Variants in YY1AP1 observed in about 807,000 individuals in gnomAD.
YY1AP1 encodes YY1 associated protein 1.
A neutral mutation model predicts 39.9 loss-of-function variants in YY1AP1; 43 were observed. That is an observed-to-expected ratio of 1.08 (90% CI 0.84 to 1.39). YY1AP1 has a LOEUF of 1.39. Among genes scored for constraint, YY1AP1 ranks in the 40% most tolerant of loss-of-function variants. YY1AP1 has a pLI of 0.00. For missense variants in YY1AP1, 813 were observed against 900.7 expected, an observed-to-expected ratio of 0.90 and a Z score of 1.25; for synonymous variants, 292 against 331.3, an observed-to-expected ratio of 0.88 and a Z score of 1.29.
Position 155,659,595 on chromosome 1 carries a change from A to G in YY1AP1, c.*62T>C, listed in dbSNP as rs116024191. The G allele has an allele frequency of 4.1e-3, 6,507 of 1,579,072 alleles. 213 individuals carry two copies. In the African/African-American group the frequency reaches 0.077, roughly 19 times the overall value. On this transcript the variant is annotated 3_prime_UTR_variant, in exon 11 of 11. Transcript: ENST00000355499. Reference sequence around the variant, plus strand: ...AGGGGTTTCCTATTGGTTACACCCTATGCGCCACCAATCGGAGGCCGAAGT... The same window carrying G: ...AGGGGTTTCCTATTGGTTACACCCTGTGCGCCACCAATCGGAGGCCGAAGT...
intron 4 of YY1AP1, 28 bp from the exon 5 acceptor site, chr1:155,676,774 G>C (rs775269964): frequency 6.2e-7 from 1 of 1,610,450 alleles, no homozygotes; most frequent in East Asian, 2.2e-5. Flanking sequence ...GACTGAATTT[G>C]AGTGTTTTCC....
intron 4 of YY1AP1, among the ~76,000 whole-genome samples, chr1:155,677,507 C>A (rs1220097741): frequency 6.6e-5 from 10 of 152,162 alleles, no homozygotes; most frequent in Non-Finnish European, 1.5e-4. Flanking sequence ...TAAGCATATG[C>A]TGATACCCTA....
intron 7 of YY1AP1, 174 bp from the exon 8 acceptor site, chr1:155,670,638 T>G: frequency 1.6e-6 from 1 of 625,924 alleles, no homozygotes; most frequent in Non-Finnish European, 2.7e-6. Flanking sequence ...TAACATTAGG[T>G]CTAAAGGGAG....
intron 6 of YY1AP1, among the ~76,000 whole-genome samples, chr1:155,674,488 A>ATT (rs1650341501): frequency 1.3e-5 from 2 of 151,954 alleles, no homozygotes; most frequent in Admixed American, 1.3e-4. Flanking sequence ...AAAACCTAAG[A>ATT]AGTCAGGGTG....
intron 9 of YY1AP1, among the ~76,000 whole-genome samples, chr1:155,664,378 G>A (rs1238168578): frequency 1.3e-5 from 2 of 152,092 alleles, no homozygotes; most frequent in East Asian, 1.9e-4. Flanking sequence ...ATGTTTTTAT[G>A]TTACATAGAA....
rs1021296153 is a variant in YY1AP1 at position 155,688,669 on chromosome 1, G to A, written c.-162C>T. On this transcript the variant is annotated 5_prime_UTR_variant, in exon 1 of 11. Coordinates refer to ENST00000355499, the MANE Select transcript of YY1AP1 (RefSeq NM_139119.3). The stretch of plus-strand genomic sequence containing the variant: ...GGCCCTCACGCGTACCTTCAGCGGC[G>A]CGAGCCCAAGCCTTCTCCACCTCCT... 1.3e-6 allele frequency: 2 copies of A among 1,532,544 alleles called. No individual in the cohort carries two copies. Among genetic ancestry groups the A allele is most frequent in the African/African-American group, 1.4e-5 (1 of 72,856 alleles). 94.9% of individuals were successfully genotyped at this position (1,532,544 alleles called of 1,614,324 possible).
At chr1:155,667,945 C>CAA (rs1240098381) in intron 9 of YY1AP1, among the ~76,000 whole-genome samples, 4 of 149,442 alleles carry the variant, frequency 2.7e-5, no homozygotes, top group African/African-American at 7.7e-5. Context: ...CAGACACAGA[C>CAA]ACACACAAAC....
chr1:155,688,583 G>T, intron 1 of YY1AP1, 76 bp downstream of exon 1: 2 of 1,536,642 alleles, frequency 1.3e-6, no homozygotes, highest in Non-Finnish European at 1.7e-6. Context: ...GCTCACCCAC[G>T]GGAACCTCCT....
At chr1:155,680,156 T>C in intron 3 of YY1AP1, 1 of 347,790 alleles carries the variant, frequency 2.9e-6, no homozygotes, top group South Asian at 2.8e-5. Context: ...CTCCAGAGCC[T>C]GGGTGACAGA....
Position 155,659,847 on chromosome 1 carries a change from C to T in YY1AP1, c.2063G>A (p.Cys688Tyr). 1.2e-6 allele frequency: 2 copies of T among 1,614,204 alleles called. No individual in the cohort carries two copies. Among genetic ancestry groups the T allele is most frequent in the Non-Finnish European group, 1.7e-6 (2 of 1,180,036 alleles). The change falls in exon 11 of 11, where the codon TGC (cysteine) becomes TAC (tyrosine). Residue 688 changes from cysteine to tyrosine, a missense_variant. This residue lies in a region of YY1AP1 where 586 missense variants were observed against 647.4 expected (regional missense o/e 0.91). Coordinates refer to ENST00000355499, the MANE Select transcript of YY1AP1 (RefSeq NM_139119.3). ...ACTGTTCTCTGACAATCCTTCTTGG[C>T]ACTGTTTATCGACTGGTGGAGGCCC... is the stretch of plus-strand genomic sequence containing the variant. ...SPGPPPVDKQ[C>Y]QEGLSENSAY...
intron 1 of YY1AP1, 75 bp downstream of exon 1, chr1:155,688,584 G>T: frequency 6.5e-7 from 1 of 1,536,654 alleles, no homozygotes; most frequent in Non-Finnish European, 8.7e-7. Flanking sequence ...CTCACCCACG[G>T]GAACCTCCTC....
Position 155,688,672 on chromosome 1 carries a change from A to T in YY1AP1, c.-165T>A, listed in dbSNP as rs1647050877. ...CCTCACGCGTACCTTCAGCGGCGCG[A>T]GCCCAAGCCTTCTCCACCTCCTCTT... On this transcript the variant is annotated 5_prime_UTR_variant, in exon 1 of 11. Coordinates refer to ENST00000355499, the MANE Select transcript of YY1AP1 (RefSeq NM_139119.3). 1 of 1,532,010 alleles carries T rather than the reference A, an allele frequency of 6.5e-7. No homozygotes were observed. The highest frequency in any genetic ancestry group is 1.4e-5 in the African/African-American group (1 of 72,796). The allele number at this position is 1,532,010 out of a possible 1,614,324, so 94.9% of individuals were successfully genotyped here. A position where few individuals can be genotyped will look rare whatever the true frequency, so the allele number is the denominator to read the frequency against.
rs1259587390 is a variant in YY1AP1, at chr1:155,688,150, G to T, written c.-100C>A. On this transcript the variant is annotated 5_prime_UTR_variant, in exon 2 of 11. Transcript: ENST00000355499. Reference sequence around the variant, plus strand: ...CCGCCAGGCTCCTCCGCTTCCCTGGGTCCACCGCGGATCCCTCCCGCTTGT... The same window carrying T: ...CCGCCAGGCTCCTCCGCTTCCCTGGTTCCACCGCGGATCCCTCCCGCTTGT... The T allele has an allele frequency of 6.2e-7, 1 of 1,613,808 alleles. No homozygotes were observed. Among genetic ancestry groups the T allele is most frequent in the Non-Finnish European group, 8.5e-7 (1 of 1,179,914 alleles).
Position 155,660,390 on chromosome 1 carries a change from G to T in YY1AP1, c.1520C>A (p.Pro507His). 1 of 1,614,168 alleles carries T rather than the reference G, an allele frequency of 6.2e-7. No individual in the cohort carries two copies. The highest frequency in any genetic ancestry group is 2.2e-5 in the East Asian group (1 of 44,888). The change falls in exon 11 of 11, where the codon CCT becomes CAT. Residue 507 changes from proline to histidine, a missense_variant. Pro to His is a moderately conservative substitution (Grantham distance 77). Around this residue, in one of 3 missense-constraint regions of YY1AP1, gnomAD observed 586 missense variants for 647.4 expected, o/e 0.91. Coordinates refer to ENST00000355499, the MANE Select transcript of YY1AP1 (RefSeq NM_139119.3). ...GGAGGGCATCATTACCTTGGGCACAGGGGCAGAAGAGAGCAAAGTCTGGGA... is the reference window on the plus strand; with the variant it reads ...GGAGGGCATCATTACCTTGGGCACATGGGCAGAAGAGAGCAAAGTCTGGGA... The part of the protein sequence containing the change: ...SESQTLLSSA[P>H]VPKVMMPSPA...
chr1:155,670,662 C>A, intron 7 of YY1AP1, 198 bp from the exon 8 acceptor site: 4 of 519,086 alleles, frequency 7.7e-6, no homozygotes, highest in Admixed American at 3.5e-5. Context: ...CATTCACTGG[C>A]AATAAAAGTT....
intron 2 of YY1AP1, among the ~76,000 whole-genome samples, chr1:155,685,980 A>G (rs1226174257): frequency 6.7e-6 from 1 of 148,760 alleles, no homozygotes; most frequent in Non-Finnish European, 1.5e-5. Context: ...TTCTTACCTC[A>G]TATTCATAGA....
At chr1:155,686,178 G>C (rs1417504466) in intron 2 of YY1AP1, among the ~76,000 whole-genome samples, 4 of 151,738 alleles carry the variant, frequency 2.6e-5, no homozygotes, top group Non-Finnish European at 5.9e-5. Context: ...TGGGACTACA[G>C]GCGCCCGCCA....
chr1:155,666,753 A>G (rs1021192564), intron 9 of YY1AP1, among the ~76,000 whole-genome samples: 1 of 152,110 alleles, frequency 6.6e-6, no homozygotes, highest in Non-Finnish European at 1.5e-5. Context: ...TAATTCCAGC[A>G]CTTTGGGAGG....
In YY1AP1 at chr1:155,675,990, G is replaced by A. The variant is rs369823467; in HGVS notation, c.324+558C>T. Among the ~76,000 whole-genome samples the A allele has an allele frequency of 1.8e-4, 28 of 152,260 alleles. No individual in the cohort carries two copies. The South Asian group carries it at 3.5e-3, about 19-fold the overall frequency. On this transcript the variant is annotated intron_variant, in intron 5 of 10. Transcript: ENST00000355499. ...TGTAATCCCAGCACTCTGGGAGGCC[G>A]AGGCGGGTGGATCACGAGGTTAGGA...
Sources: allele counts gnomAD v4.1 joint callset (sites outside exome capture counted in the v4.1 genomes callset), GRCh38; gene constraint gnomAD v4.1.1; regional missense constraint gnomAD v4.1.1; transcripts MANE v1.5; gene names NCBI Gene and HGNC (gene_info 2026-07-23, HGNC 2026-07-21).